GPRC5A: variants seen among roughly 807,000 people sequenced by gnomAD.
The protein encoded by GPRC5A is retinoic acid-induced protein 3.
In GPRC5A, 19 loss-of-function variants were observed where a neutral mutation model predicts 22.5. The ratio of observed to expected loss-of-function variants is 0.85; its 90% CI spans 0.59 to 1.24. GPRC5A has a LOEUF of 1.24. GPRC5A is among the 50% of genes most tolerant of loss of function. The pLI, the probability that GPRC5A is intolerant of heterozygous loss-of-function variation, is 0.00. For missense variants in GPRC5A, 471 were observed against 451.1 expected (o/e 1.04, Z -0.40); for synonymous variants, 192 against 184.5 (o/e 1.04, Z -0.33).
Position 12,908,763 on chromosome 12 carries a change from C to T in GPRC5A, c.514C>T (p.Arg172Cys), listed in dbSNP as rs1252202402. The T allele has an allele frequency of 6.2e-6, 10 of 1,614,066 alleles. No individual in the cohort carries two copies. Among genetic ancestry groups the T allele is most frequent in the South Asian group, 2.2e-5 (2 of 91,092 alleles). ...TGTCTTTTCTGAGCTTTCCGCTCCT[C>T]GTCGCAATGAAGACTTTGTCCTCCT... ...VNVFSELSAP[R>C]RNEDFVLLLT... The change falls in exon 2 of 4, where the codon CGT (arginine) becomes TGT (cysteine). Residue 172 changes from arginine (R) to cysteine (C), a missense_variant. Transcript: ENST00000014914.
intron 1 of GPRC5A, among the ~76,000 whole-genome samples, chr12:12,902,425 G>C (rs1341691619): frequency 6.6e-6 from 1 of 151,730 alleles, no homozygotes; most frequent in Non-Finnish European, 1.5e-5. Flanking sequence ...AAGGATTCTT[G>C]TTAGTTATTA....
chr12:12,896,387 T>C (rs900483226), intron 1 of GPRC5A, among the ~76,000 whole-genome samples: 1 of 152,224 alleles, frequency 6.6e-6, no homozygotes, highest in Non-Finnish European at 1.5e-5. Context: ...TTCATCACTT[T>C]TATGTCATCA....
chr12:12,903,817 T>G (rs1863913671), intron 1 of GPRC5A, among the ~76,000 whole-genome samples: 1 of 152,238 alleles, frequency 6.6e-6, no homozygotes, highest in Non-Finnish European at 1.5e-5. Context: ...ATGGGGGCTC[T>G]GCCTTCCCTC....
chr12:12,912,465 G>T lies in GPRC5A; in HGVS notation c.1000G>T (p.Glu334Ter). ...FQLQNQPPQKEFSIPRAHAWP... is the reference protein window; with the variant it reads ...FQLQNQPPQK ...TTTTCAGAACCAGCCTCCCCAAAAG[G>T]AATTCTCCATCCCACGGGCCCACGC... The change falls in exon 4 of 4, where the codon GAA becomes TAA. Residue 334 changes from glutamate to a stop codon, truncating the protein, a stop_gained. Transcript: ENST00000014914. LOFTEE classifies it high-confidence loss of function. 5.0e-6 allele frequency: 8 copies of T among 1,611,842 alleles called. No homozygotes were observed. Among genetic ancestry groups the T allele is most frequent in the Non-Finnish European group, 6.8e-6 (8 of 1,177,922 alleles).
At position 12,917,251 on chromosome 12, in the gene GPRC5A, T is replaced by TGTGTGTGTGC. The variant is rs1491313276; in HGVS notation, c.*4713_*4714insTGTGTGTGCG. On this transcript the variant is annotated 3_prime_UTR_variant, in exon 4 of 4. Transcript: ENST00000014914. ...GTGTGTGTGTGTGTGTGTGTGTGTG[T>TGTGTGTGTGC]GCGTGCGTGCGTGTATGTGCGCCTG... The TGTGTGTGTGC allele has an allele frequency of 5.0e-5, 3 of 60,106 alleles. No homozygotes were observed. The highest frequency in any genetic ancestry group is 9.6e-5 in the Non-Finnish European group (3 of 31,230). The allele number at this position is 60,106 out of a possible 1,614,324, so 3.7% of individuals were successfully genotyped here.
Position 12,908,936 on chromosome 12 carries a change from C to T in GPRC5A, c.687C>T (p.Thr229=), listed in dbSNP as rs138398386. 6.2e-7 allele frequency: 1 copy of T among 1,614,124 alleles called. No individual in the cohort carries two copies. Among genetic ancestry groups the T allele is most frequent in the Non-Finnish European group, 8.5e-7 (1 of 1,179,976 alleles). The change falls in exon 2 of 4, where the codon ACC becomes ACT. Residue 229 remains threonine (T), a synonymous_variant. Coordinates refer to ENST00000014914, the MANE Select transcript of GPRC5A (RefSeq NM_003979.4). ...LSIAIWVAWI[T]LLMLPDFDRR... is the part of the protein sequence containing the mutation. ...TTGCCATCTGGGTGGCCTGGATCAC[C>T]CTGCTCATGCTTCCTGACTTTGACC...
At chr12:12,903,081 A>G (rs989680997) in intron 1 of GPRC5A, among the ~76,000 whole-genome samples, 1 of 152,196 alleles carries the variant, frequency 6.6e-6, no homozygotes, top group Non-Finnish European at 1.5e-5. Flanking sequence ...CAAAAAAGAA[A>G]AAAGAAAAAA....
chr12:12,908,554 G>C lies in GPRC5A; in HGVS notation c.305G>C (p.Gly102Ala). ...STGPTRFFLF[G>A]ILFSICFSCL... ...GGGCCCACACGCTTCTTCCTCTTTG[G>C]GATCCTCTTTTCCATCTGCTTCTCC... The change falls in exon 2 of 4, where the codon GGG (glycine) becomes GCG (alanine). Residue 102 changes from glycine (G) to alanine (A), a missense_variant. Gly to Ala is a moderately conservative substitution (Grantham distance 60). Coordinates refer to ENST00000014914, the MANE Select transcript of GPRC5A (RefSeq NM_003979.4). The C allele has an allele frequency of 6.2e-7, 1 of 1,614,070 alleles. No homozygotes were observed. Among genetic ancestry groups the C allele is most frequent in the Non-Finnish European group, 8.5e-7 (1 of 1,180,016 alleles).
chr12:12,904,216 CTCTT>C (rs775410989), intron 1 of GPRC5A, among the ~76,000 whole-genome samples: 8 of 152,208 alleles, frequency 5.3e-5, no homozygotes, highest in Non-Finnish European at 1.0e-4. Context: ...CTCATACTTC[CTCTT>C]TCTTATGTCA....
Position 12,912,440 on chromosome 12 carries a change from T to G in GPRC5A, c.982-7T>G. The G allele has an allele frequency of 6.3e-7, 1 of 1,595,242 alleles. No homozygotes were observed. Among genetic ancestry groups the G allele is most frequent in the Non-Finnish European group, 8.6e-7 (1 of 1,162,764 alleles). On this transcript the variant is annotated splice_region_variant and splice_polypyrimidine_tract_variant and intron_variant, in intron 3 of 3. Transcript: ENST00000014914. ...TGGGTTTCACGATATGACTGTTTCC[T>G]TTTCAGAACCAGCCTCCCCAAAAGG...
At chr12:12,903,661 G>A (rs771639662) in intron 1 of GPRC5A, among the ~76,000 whole-genome samples, 6 of 152,334 alleles carry the variant, frequency 3.9e-5, no homozygotes, top group South Asian at 4.1e-4. Context: ...GGGAGGTGGA[G>A]GTGACATTTG....
chr12:12,899,515 A>G (rs892014713), intron 1 of GPRC5A, among the ~76,000 whole-genome samples: 2 of 152,202 alleles, frequency 1.3e-5, no homozygotes, highest in Admixed American at 6.5e-5. Context: ...CTTTCTGACC[A>G]TGTGACACTG....
chr12:12,894,294 C>T (rs965226918), intron 1 of GPRC5A, among the ~76,000 whole-genome samples: 3 of 152,174 alleles, frequency 2.0e-5, no homozygotes, highest in African/African-American at 7.2e-5. Flanking sequence ...AACATTTACA[C>T]AATTTTACCA....
In GPRC5A at chr12:12,915,743, G is replaced by A; in HGVS notation, c.*3204G>A. 2.6e-6 allele frequency: 1 copy of A among 382,504 alleles called. No homozygotes were observed. The allele number at this position is 382,504 out of a possible 1,614,324, so 23.7% of individuals were successfully genotyped here. On this transcript the variant is annotated 3_prime_UTR_variant, in exon 4 of 4. Coordinates refer to ENST00000014914, the MANE Select transcript of GPRC5A (RefSeq NM_003979.4). ...CAAACCTCGTGATCCACCTACCTTGGCCTCTGAAAGTGCTGGGATACCGTG... is the reference window on the plus strand; with the variant it reads ...CAAACCTCGTGATCCACCTACCTTGACCTCTGAAAGTGCTGGGATACCGTG...
At chr12:12,900,046 A>T (rs1447103632) in intron 1 of GPRC5A, among the ~76,000 whole-genome samples, 2 of 152,004 alleles carry the variant, frequency 1.3e-5, no homozygotes, top group African/African-American at 2.4e-5. Flanking sequence ...AAAGCGGGAG[A>T]CTCATCACAT....
rs1430360896 is a variant in GPRC5A at position 12,917,426 on chromosome 12, G to A, written c.*4887G>A. 1 of 152,026 alleles carries A rather than the reference G, an allele frequency of 6.6e-6. No homozygotes were observed. The highest frequency in any genetic ancestry group is 1.5e-5 in the Non-Finnish European group (1 of 68,024). The allele number at this position is 152,026 out of a possible 1,614,324, so 9.4% of individuals were successfully genotyped here. A position where few individuals can be genotyped will look rare whatever the true frequency, so the allele number is the denominator to read the frequency against. On this transcript the variant is annotated 3_prime_UTR_variant, in exon 4 of 4. Coordinates refer to ENST00000014914, the MANE Select transcript of GPRC5A (RefSeq NM_003979.4). ...TTTTACAGAGGAACTCAGGGCTAAT[G>A]GAGTTAATGCAACTAGATCAGGGTT...
Position 12,908,421 on chromosome 12 carries a change from G to A in GPRC5A, c.172G>A (p.Asp58Asn). 6.2e-7 allele frequency: 1 copy of A among 1,614,136 alleles called. No homozygotes were observed. Among genetic ancestry groups the A allele is most frequent in the Non-Finnish European group, 8.5e-7 (1 of 1,180,006 alleles). Reference sequence around the variant, plus strand: ...CCCGATCCTCGTCTGCAAGGTGCAGGACTCCAACAGGCGAAAAATGCTGCC... The same window carrying A: ...CCCGATCCTCGTCTGCAAGGTGCAGAACTCCAACAGGCGAAAAATGCTGCC... The part of the protein sequence containing the change: ...TLPILVCKVQ[D>N]SNRRKMLPTQ... The change falls in exon 2 of 4, where the codon GAC becomes AAC. Residue 58 changes from aspartate (D) to asparagine (N), a missense_variant. Transcript: ENST00000014914.
At chr12:12,910,230 C>A (rs1463049093) in intron 2 of GPRC5A, among the ~76,000 whole-genome samples, 1 of 152,164 alleles carries the variant, frequency 6.6e-6, no homozygotes, top group Non-Finnish European at 1.5e-5. Context: ...AGGTGTGGAA[C>A]TTCCTGGTGC....
chr12:12,905,848 A>G (rs1863936433), intron 1 of GPRC5A, among the ~76,000 whole-genome samples: 1 of 152,178 alleles, frequency 6.6e-6, no homozygotes, highest in Non-Finnish European at 1.5e-5. Flanking sequence ...TAATACAGCT[A>G]GTGGCTTCCT....
Sources: gnomAD v4.1 joint callset for allele counts (sites outside exome capture counted in the v4.1 genomes callset) on GRCh38, gnomAD v4.1.1 for gene constraint, MANE v1.5 for transcripts, NCBI Gene and HGNC (gene_info 2026-07-23, HGNC 2026-07-21) for gene names.